Variants in NT5E observed in about 807,000 individuals in gnomAD.
NT5E encodes 5'-nucleotidase.
In NT5E, 53 loss-of-function variants were observed where a neutral mutation model predicts 55.1. That is an observed-to-expected ratio of 0.96 (90% CI 0.77 to 1.21). The LOEUF (loss-of-function observed/expected upper bound fraction) is 1.21. Among genes scored for constraint, NT5E ranks in the 50% most tolerant of loss-of-function variants. The probability of loss-of-function intolerance (pLI) is 0.00; values close to 1 mark genes in which losing one functional copy is unlikely to be tolerated. For synonymous variants in NT5E, 270 were observed against 278.4 expected (o/e 0.97, Z 0.30); for missense variants, 683 against 724.3 (o/e 0.94, Z 0.65).
At chr6:85,461,531 G>A (rs1392505936) in intron 1 of NT5E, among the ~76,000 whole-genome samples, 5 of 152,160 alleles carry the variant, frequency 3.3e-5, no homozygotes, top group African/African-American at 9.7e-5. Context: ...TTCTTAACTG[G>A]GAAATGGGTG....
intron 2 of NT5E, among the ~76,000 whole-genome samples, chr6:85,468,357 AC>A (rs1256676004): frequency 2.0e-5 from 3 of 151,762 alleles, no homozygotes; most frequent in East Asian, 3.9e-4. Flanking sequence ...TTGCTAAAGA[AC>A]CCCCCAACCC....
chr6:85,450,351 T>G lies in NT5E; in HGVS notation c.212T>G (p.Ile71Ser), dbSNP rs1203735055. Residue 71 changes from isoleucine (I) to serine (S), a missense_variant, in exon 1 of 9, where the codon ATC becomes AGC. Physicochemically the swap from Ile to Ser is moderately radical, Grantham distance 142. Transcript: ENST00000257770. This position sits in a 1 kb window ranked among gnomAD's most constrained non-coding sequence, Gnocchi z 4.0. ...VARLFTKVQQ[I>S]RRAEPNVLLL... is the part of the protein sequence containing the mutation. ...CGGCTCTTCACCAAGGTTCAGCAGA[T>G]CCGCCGCGCCGAACCCAACGTGCTG... 1 of 1,594,566 alleles carries G rather than the reference T, an allele frequency of 6.3e-7. No individual in the cohort carries two copies. Among genetic ancestry groups the G allele is most frequent in the African/African-American group, 1.3e-5 (1 of 74,888 alleles).
At chr6:85,460,059 T>A (rs1769064300) in intron 1 of NT5E, among the ~76,000 whole-genome samples, 1 of 152,236 alleles carries the variant, frequency 6.6e-6, no homozygotes. Context: ...GGAAATTACT[T>A]CAGGTAATTA....
At chr6:85,480,405 C>G (rs1375207904) in intron 3 of NT5E, among the ~76,000 whole-genome samples, 2 of 152,202 alleles carry the variant, frequency 1.3e-5, no homozygotes, top group Non-Finnish European at 1.5e-5. Flanking sequence ...GTTGACATGA[C>G]AGCTTGTGCA....
chr6:85,450,088 C>A lies in NT5E; in HGVS notation c.-52C>A. On this transcript the variant is annotated 5_prime_UTR_variant, in exon 1 of 9. Coordinates refer to ENST00000257770, the MANE Select transcript of NT5E (RefSeq NM_002526.4). The surrounding 1 kb of genome is among the most constrained non-coding windows in gnomAD (Gnocchi z 4.0). ...GGCCCTAGCTGCTCGCCCCTACTCGCCGGCACTCGCCCGGCTCGCCCGCTT... is the reference window on the plus strand; with the variant it reads ...GGCCCTAGCTGCTCGCCCCTACTCGACGGCACTCGCCCGGCTCGCCCGCTT... 1 of 1,457,320 alleles carries A rather than the reference C, an allele frequency of 6.9e-7. No homozygotes were observed. The highest frequency in any genetic ancestry group is 9.3e-7 in the Non-Finnish European group (1 of 1,078,230). 90.3% of individuals were successfully genotyped at this position (1,457,320 alleles called of 1,614,324 possible).
intron 2 of NT5E, among the ~76,000 whole-genome samples, chr6:85,467,922 T>C (rs934269302): frequency 1.3e-5 from 2 of 151,872 alleles, no homozygotes; most frequent in African/African-American, 4.8e-5. Flanking sequence ...TACATACATA[T>C]AAGACACACA....
intron 8 of NT5E, among the ~76,000 whole-genome samples, chr6:85,493,261 T>A (rs565797993): frequency 6.6e-6 from 1 of 152,214 alleles, no homozygotes; most frequent in Non-Finnish European, 1.5e-5. Flanking sequence ...GTGATTCTAG[T>A]GTACACCCAG....
chr6:85,467,085 A>G lies in NT5E; in HGVS notation c.365A>G (p.Asn122Ser). The G allele has an allele frequency of 6.2e-7, 1 of 1,614,094 alleles. No individual in the cohort carries two copies. The highest frequency in any genetic ancestry group is 8.5e-7 in the Non-Finnish European group (1 of 1,179,994). ...AMALGNHEFD[N>S]GVEGLIEPLL... ...GCACTGGGAAATCATGAATTTGATA[A>G]TGGTGTGGAAGGACTGATCGAGCCA... The change falls in exon 2 of 9, where the codon AAT becomes AGT. Residue 122 changes from asparagine to serine, a missense_variant. Transcript: ENST00000257770.
intron 3 of NT5E, among the ~76,000 whole-genome samples, chr6:85,472,181 C>A (rs1314832884): frequency 1.3e-5 from 2 of 152,204 alleles, no homozygotes; most frequent in African/African-American, 4.8e-5. Flanking sequence ...GAAGAAGAGG[C>A]TGGTAAACAG....
At chr6:85,472,496 G>T (rs1769335739) in intron 3 of NT5E, among the ~76,000 whole-genome samples, 2 of 152,142 alleles carry the variant, frequency 1.3e-5, no homozygotes, top group South Asian at 4.1e-4. Context: ...ACAATATTGG[G>T]TCAAAAGTCC....
chr6:85,479,509 A>G (rs1382555226), intron 3 of NT5E, among the ~76,000 whole-genome samples: 1 of 152,176 alleles, frequency 6.6e-6, no homozygotes, highest in African/African-American at 2.4e-5. Context: ...CACCAGCATG[A>G]TGGGAAGGAA....
intron 1 of NT5E, among the ~76,000 whole-genome samples, chr6:85,459,172 T>C (rs779046472): frequency 2.0e-5 from 3 of 152,168 alleles, no homozygotes; most frequent in Non-Finnish European, 4.4e-5. Context: ...CAATGTTGCC[T>C]AGGCTGGTCT....
In NT5E at chr6:85,467,216, G is replaced by C; in HGVS notation, c.496G>C (p.Val166Leu). The C allele has an allele frequency of 6.2e-7, 1 of 1,614,128 alleles. No individual in the cohort carries two copies. The highest frequency in any genetic ancestry group is 8.5e-7 in the Non-Finnish European group (1 of 1,180,012). ...TTATTTGCCATATAAAGTTCTTCCT[G>C]TTGGTGATGAAGTTGTGGGAATCGT... ...GLYLPYKVLP[V>L]GDEVVGIVGY... The change falls in exon 2 of 9, where the codon GTT becomes CTT. Residue 166 changes from valine to leucine, a missense_variant. Transcript: ENST00000257770.
chr6:85,491,233 C>A (rs561073699), intron 7 of NT5E: 43 of 374,268 alleles, frequency 1.1e-4, no homozygotes, highest in Non-Finnish European at 1.8e-4. Context: ...ATAAATGCTT[C>A]CTAAATTGCC....
intron 1 of NT5E, among the ~76,000 whole-genome samples, chr6:85,466,368 A>T (rs1380140398): frequency 6.6e-6 from 1 of 152,164 alleles, no homozygotes; most frequent in African/African-American, 2.4e-5. Flanking sequence ...AGGTCACCTA[A>T]TCATTTCACC....
At chr6:85,472,987 A>G (rs1423050585) in intron 3 of NT5E, among the ~76,000 whole-genome samples, 2 of 152,150 alleles carry the variant, frequency 1.3e-5, no homozygotes, top group Non-Finnish European at 2.9e-5. Flanking sequence ...GTTCCATGGG[A>G]AAAGATGTAT....
intron 1 of NT5E, among the ~76,000 whole-genome samples, chr6:85,462,508 TC>T: frequency 6.6e-6 from 1 of 152,234 alleles, no homozygotes; most frequent in Non-Finnish European, 1.5e-5. Flanking sequence ...CCATAACACC[TC>T]TACTGCAGAC....
intron 2 of NT5E, among the ~76,000 whole-genome samples, chr6:85,470,625 A>T (rs1203586209): frequency 6.6e-6 from 1 of 152,178 alleles, no homozygotes; most frequent in Non-Finnish European, 1.5e-5. Context: ...TATTTTTAGT[A>T]GAGACAGGGT....
At chr6:85,483,312 T>G (rs898247028) in intron 3 of NT5E, among the ~76,000 whole-genome samples, 1 of 152,218 alleles carries the variant, frequency 6.6e-6, no homozygotes, top group African/African-American at 2.4e-5. Context: ...CCAGCATCTA[T>G]GATCAGAGGA....
Sources: allele counts gnomAD v4.1 joint callset (sites outside exome capture counted in the v4.1 genomes callset), GRCh38; gene constraint gnomAD v4.1.1; non-coding constraint Gnocchi (gnomAD v3.1); transcripts MANE v1.5; gene names NCBI Gene and HGNC (gene_info 2026-07-23, HGNC 2026-07-21).